SYT1: variants seen among roughly 807,000 people sequenced by gnomAD.
SYT1 encodes synaptotagmin-1.
SYT1 carries 8 observed loss-of-function variants against 44.8 expected under a neutral mutation model. The observed-to-expected ratio is 0.18, with a 90% CI of 0.10 to 0.32. The LOEUF (loss-of-function observed/expected upper bound fraction) is 0.32. Among genes scored for constraint, SYT1 ranks in the 10% least tolerant of loss-of-function variants. The probability of loss-of-function intolerance (pLI) is 1.00; values close to 1 mark genes in which losing one functional copy is unlikely to be tolerated. For missense variants in SYT1, 286 were observed against 509.3 expected, an observed-to-expected ratio of 0.56 and a Z score of 4.22; for synonymous variants, 154 against 188.8, an observed-to-expected ratio of 0.82 and a Z score of 1.51.
rs1870927521 is a variant in SYT1 at position 79,449,533 on chromosome 12, G to C, written c.*409G>C. 1 of 173,980 alleles carries C rather than the reference G, an allele frequency of 5.7e-6. No homozygotes were observed. Among genetic ancestry groups the C allele is most frequent in the East Asian group, 1.6e-4 (1 of 6,142 alleles). The allele number at this position is 173,980 out of a possible 1,614,324, so 10.8% of individuals were successfully genotyped here. ...TATGTAAATTGACTGAGATATAGGA[G>C]AGCTGATAATATATTATACGGTAAA... On this transcript the variant is annotated 3_prime_UTR_variant, in exon 11 of 11. Transcript: ENST00000261205.
intron 4 of SYT1, among the ~76,000 whole-genome samples, chr12:79,268,566 C>G (rs997835089): frequency 1.1e-4 from 16 of 152,200 alleles, no homozygotes; most frequent in African/African-American, 3.9e-4. Flanking sequence ...CTGTTAACCA[C>G]AATTTATCTG....
At chr12:79,419,864 T>A (rs1388816571) in intron 9 of SYT1, among the ~76,000 whole-genome samples, 1 of 152,130 alleles carries the variant, frequency 6.6e-6, no homozygotes, top group Non-Finnish European at 1.5e-5. Context: ...ACACACAGTT[T>A]TGGTTTTGTA....
intron 1 of SYT1, among the ~76,000 whole-genome samples, chr12:78,889,320 G>T (rs1240925005): frequency 6.6e-6 from 1 of 151,852 alleles, no homozygotes; most frequent in Non-Finnish European, 1.5e-5. Flanking sequence ...TTACCAAAGG[G>T]TTGAGACTCC....
At chr12:79,229,070 C>T (rs1875703042) in intron 4 of SYT1, among the ~76,000 whole-genome samples, 1 of 152,226 alleles carries the variant, frequency 6.6e-6, no homozygotes, top group South Asian at 2.1e-4. Flanking sequence ...CATTTTCTTA[C>T]ACATCTTCGT....
chr12:79,300,108 A>ATT (rs1880062736), intron 8 of SYT1, among the ~76,000 whole-genome samples: 4 of 151,962 alleles, frequency 2.6e-5, no homozygotes, highest in African/African-American at 9.7e-5. Context: ...TTTTTATGCT[A>ATT]CTCCTCACAT....
chr12:79,010,049 G>A (rs144173112), intron 2 of SYT1, among the ~76,000 whole-genome samples: 228 of 152,172 alleles, frequency 1.5e-3, no homozygotes, highest in African/African-American at 4.4e-3. Context: ...TGTACTGGAG[G>A]TTTTATGGGT....
chr12:78,881,978 T>C (rs1271415362), intron 1 of SYT1, among the ~76,000 whole-genome samples: 2 of 68,432 alleles, frequency 2.9e-5, no homozygotes, highest in Non-Finnish European at 5.3e-5. Context: ...TAGCACCCTG[T>C]ATTTTTTTTA....
chr12:79,172,949 G>A (rs1380065349), intron 3 of SYT1, among the ~76,000 whole-genome samples: 3 of 99,060 alleles, frequency 3.0e-5, no homozygotes, highest in Non-Finnish European at 5.4e-5. Context: ...TGTAATTCAG[G>A]TTACTAGAGT....
chr12:79,089,754 C>T (rs1478160822), intron 3 of SYT1, among the ~76,000 whole-genome samples: 1 of 152,052 alleles, frequency 6.6e-6, no homozygotes, highest in East Asian at 1.9e-4. Context: ...TGAGAGCAAA[C>T]ACTCAATGTT....
intron 4 of SYT1, among the ~76,000 whole-genome samples, chr12:79,277,646 G>T (rs890897956): frequency 4.6e-5 from 7 of 152,034 alleles, no homozygotes; most frequent in African/African-American, 1.7e-4. Flanking sequence ...CATGATGAAT[G>T]GAACAGTTAC....
chr12:79,056,080 T>C (rs1817773486), intron 3 of SYT1, among the ~76,000 whole-genome samples: 1 of 151,996 alleles, frequency 6.6e-6, no homozygotes, highest in Admixed American at 6.6e-5. Context: ...CCATACAGCC[T>C]AGGTGTGAGG....
chr12:79,248,248 A>C (rs906161214), intron 4 of SYT1, among the ~76,000 whole-genome samples: 3 of 152,228 alleles, frequency 2.0e-5, no homozygotes, highest in African/African-American at 7.2e-5. Flanking sequence ...ATTTAATAGT[A>C]AGTGAGATGA....
chr12:79,151,134 G>C (rs1008825211), intron 3 of SYT1, among the ~76,000 whole-genome samples: 1 of 152,108 alleles, frequency 6.6e-6, no homozygotes, highest in Admixed American at 6.6e-5. Context: ...GGGAAGATGG[G>C]GTGATAAACC....
intron 2 of SYT1, among the ~76,000 whole-genome samples, chr12:79,036,102 G>C (rs1467679168): frequency 6.6e-6 from 1 of 151,720 alleles, no homozygotes; most frequent in African/African-American, 2.4e-5. Context: ...TCATTGATGA[G>C]AGTTTATCTA....
chr12:78,955,905 CTA>C (rs1879191599), intron 1 of SYT1, among the ~76,000 whole-genome samples: 1 of 151,414 alleles, frequency 6.6e-6, no homozygotes. Context: ...GCATTTTCCC[CTA>C]TCTTTTGAAA....
intron 3 of SYT1, among the ~76,000 whole-genome samples, chr12:79,096,401 C>T (rs1487482726): frequency 1.3e-5 from 2 of 151,892 alleles, no homozygotes; most frequent in Non-Finnish European, 2.9e-5. Flanking sequence ...ATTTTGGTTT[C>T]CTGCATTGGT....
At chr12:79,018,041 A>G (rs959646776) in intron 2 of SYT1, among the ~76,000 whole-genome samples, 6 of 151,118 alleles carry the variant, frequency 4.0e-5, no homozygotes, top group Admixed American at 3.3e-4. Context: ...GCAAAAGACA[A>G]TTTTTCTTAA....
intron 3 of SYT1, among the ~76,000 whole-genome samples, chr12:79,125,841 A>G (rs1166362716): frequency 6.6e-6 from 1 of 152,138 alleles, no homozygotes. Context: ...CCTCCTTATC[A>G]AAGAAGACTT....
At chr12:78,889,291 G>A (rs1874917142) in intron 1 of SYT1, among the ~76,000 whole-genome samples, 1 of 151,864 alleles carries the variant, frequency 6.6e-6, no homozygotes, top group Non-Finnish European at 1.5e-5. Flanking sequence ...TGGGGAATGA[G>A]CTTATAGCTC....
Sources: allele counts gnomAD v4.1 joint callset (sites outside exome capture counted in the v4.1 genomes callset), GRCh38; gene constraint gnomAD v4.1.1; transcripts MANE v1.5; gene names NCBI Gene and HGNC (gene_info 2026-07-23, HGNC 2026-07-21).